Variants in RBFOX2 observed in about 807,000 individuals in gnomAD.
RBFOX2 encodes RNA binding protein fox-1 homolog 2.
A neutral mutation model predicts 49.1 loss-of-function variants in RBFOX2; 10 were observed. That is an observed-to-expected ratio of 0.20 (90% CI 0.13 to 0.35). The LOEUF is 0.35. Ranked by LOEUF, RBFOX2 falls within the 10% of genes least tolerant of loss-of-function variation. The pLI is 1.00. For missense variants in RBFOX2, 323 were observed against 486.9 expected (o/e 0.66, Z 3.17); for synonymous variants, 183 against 187.4 (o/e 0.98, Z 0.19).
exon 12 of RBFOX2, chr22:35,741,644 G>A (rs1930013133): frequency 6.5e-6 from 1 of 152,814 alleles, no homozygotes; most frequent in Admixed American, 6.5e-5. Flanking sequence ...TGGAGGAAGC[G>A]GTGTTAAACA....
chr22:35,933,926 T>TTATATATATATATA (rs3075245), intron 1 of RBFOX2, among the ~76,000 whole-genome samples: 59 of 117,980 alleles, frequency 5.0e-4, no homozygotes, highest in African/African-American at 9.8e-4. Flanking sequence ...TAATTAAATG[T>TTATATATATATATA]TATATATATA....
chr22:35,840,234 A>G (rs1292127800), exon 1 of RBFOX2: 1 of 1,614,050 alleles, frequency 6.2e-7, no homozygotes, highest in Non-Finnish European at 8.5e-7. Context: ...AAACGGATAG[A>G]TGATAAACCT....
intron 1 of RBFOX2, among the ~76,000 whole-genome samples, chr22:35,918,362 C>G (rs1298667746): frequency 1.3e-5 from 2 of 152,150 alleles, no homozygotes; most frequent in Non-Finnish European, 2.9e-5. Context: ...ACAGTAAAGT[C>G]ACCTGGCACC....
chr22:35,753,251 A>T (rs2146029606), intron 9 of RBFOX2, among the ~76,000 whole-genome samples: 1 of 152,348 alleles, frequency 6.6e-6, no homozygotes, highest in Non-Finnish European at 1.5e-5. Context: ...TGGGAAATGT[A>T]TGGAGAGAAG....
exon 1 of RBFOX2, chr22:36,028,569 C>T (rs1361381223): frequency 2.8e-6 from 2 of 714,792 alleles, no homozygotes; most frequent in Non-Finnish European, 3.4e-6. Context: ...CGAGCGGACT[C>T]CGCGCCCCTC....
chr22:35,793,863 T>G (rs986195988), intron 2 of RBFOX2, among the ~76,000 whole-genome samples: 6 of 152,210 alleles, frequency 3.9e-5, no homozygotes, highest in Admixed American at 1.3e-4. Flanking sequence ...AAATATGTGA[T>G]TCCATTTTCT....
At chr22:35,798,636 T>C (rs1352651382) in intron 2 of RBFOX2, among the ~76,000 whole-genome samples, 2 of 152,156 alleles carry the variant, frequency 1.3e-5, no homozygotes, top group Non-Finnish European at 2.9e-5. Context: ...TGGTACAAAG[T>C]AGGCACTCAA....
At chr22:35,991,117 A>T (rs968916292) in intron 1 of RBFOX2, among the ~76,000 whole-genome samples, 1 of 152,074 alleles carries the variant, frequency 6.6e-6, no homozygotes, top group African/African-American at 2.4e-5. Context: ...TTACAAAAAC[A>T]AAAAACAAAA....
chr22:35,770,016 T>G (rs145989820), intron 4 of RBFOX2, among the ~76,000 whole-genome samples: 1 of 152,316 alleles, frequency 6.6e-6, no homozygotes, highest in East Asian at 1.9e-4. Context: ...TCCTAAAGAA[T>G]GTGTAAGTTT....
chr22:35,781,496 A>C, intron 3 of RBFOX2, 104 bp downstream of exon 4: 3 of 1,406,054 alleles, frequency 2.1e-6, no homozygotes, highest in Admixed American at 2.2e-5. Context: ...GGTTCTTTCA[A>C]TCTATTTGTA....
intron 1 of RBFOX2, among the ~76,000 whole-genome samples, chr22:35,851,066 C>T (rs1448873262): frequency 6.6e-6 from 1 of 152,138 alleles, no homozygotes; most frequent in Admixed American, 6.5e-5. Context: ...TTAAGTATTA[C>T]CATGCCCTCC....
intron 1 of RBFOX2, among the ~76,000 whole-genome samples, chr22:35,865,270 T>C (rs943108252): frequency 3.9e-5 from 6 of 152,212 alleles, no homozygotes; most frequent in African/African-American, 1.4e-4. Context: ...CCCTAAATCC[T>C]AGTATGAATC....
intron 1 of RBFOX2, among the ~76,000 whole-genome samples, chr22:35,847,424 A>G (rs112684488): frequency 1.8e-3 from 268 of 152,326 alleles, no homozygotes; most frequent in African/African-American, 6.3e-3. Context: ...ATAACGTCCA[A>G]CTGTATAATG....
At chr22:35,968,555 T>C (rs553209802) in intron 1 of RBFOX2, among the ~76,000 whole-genome samples, 17 of 152,282 alleles carry the variant, frequency 1.1e-4, no homozygotes, top group South Asian at 4.1e-4. Context: ...AAGAAGCTTA[T>C]GGAATTAAAA....
intron 1 of RBFOX2, 42 bp downstream of exon 2, chr22:35,938,805 C>T: frequency 6.4e-7 from 1 of 1,571,306 alleles, no homozygotes; most frequent in African/African-American, 1.3e-5. Context: ...TGAAACACAC[C>T]ACACACATAC....
intron 1 of RBFOX2, among the ~76,000 whole-genome samples, chr22:35,910,137 C>T (rs2049622877): frequency 6.6e-6 from 1 of 152,178 alleles, no homozygotes; most frequent in Non-Finnish European, 1.5e-5. Flanking sequence ...TGAAAAAAAG[C>T]CAATGAAGTC....
intron 1 of RBFOX2, among the ~76,000 whole-genome samples, chr22:35,837,504 CAT>C (rs67591008): frequency 0.18 from 27,407 of 151,516 alleles, 4,492 homozygotes; most frequent in African/African-American, 0.44. Flanking sequence ...CACACACACA[CAT>C]GTGCACACAC....
At chr22:35,818,779 C>G (rs750569353) in intron 1 of RBFOX2, among the ~76,000 whole-genome samples, 2 of 152,062 alleles carry the variant, frequency 1.3e-5, no homozygotes, top group Admixed American at 1.3e-4. Flanking sequence ...AGAGAGAGAC[C>G]ATGTCTCTAA....
upstream of RBFOX2, among the ~76,000 whole-genome samples, chr22:35,841,833 G>A (rs2040533984): frequency 6.6e-6 from 1 of 152,046 alleles, no homozygotes; most frequent in African/African-American, 2.4e-5. Context: ...ATCACACTGA[G>A]AATACATAGT....
Sources: gnomAD v4.1 joint callset for allele counts (sites outside exome capture counted in the v4.1 genomes callset) on GRCh38, gnomAD v4.1.1 for gene constraint, MANE v1.5 for transcripts, NCBI Gene and HGNC (gene_info 2026-07-23, HGNC 2026-07-21) for gene names.